The following ACSL3 variants were observed in gnomAD, a reference collection of about 807,000 sequenced individuals.
ACSL3 encodes acyl-CoA synthetase long chain family member 3.
A neutral mutation model predicts 84.7 loss-of-function variants in ACSL3; 34 were observed. The observed-to-expected ratio is 0.40, with a 90% CI of 0.31 to 0.53. ACSL3 has a LOEUF of 0.53. Among genes scored for constraint, ACSL3 ranks in the 20% least tolerant of loss-of-function variants. The pLI is 0.48. For synonymous variants in ACSL3, 315 were observed against 299.4 expected, an observed-to-expected ratio of 1.05 and a Z score of -0.54; for missense variants, 680 against 873.1, an observed-to-expected ratio of 0.78 and a Z score of 2.79.
intron 1 of ACSL3, among the ~76,000 whole-genome samples, chr2:222,874,353 A>G (rs1695390619): frequency 6.6e-6 from 1 of 152,162 alleles, no homozygotes; most frequent in East Asian, 1.9e-4. Context: ...ATTGAAAACC[A>G]GAAGAGAGAT....
intron 1 of ACSL3, among the ~76,000 whole-genome samples, chr2:222,864,331 A>G (rs888891416): frequency 1.3e-5 from 2 of 152,168 alleles, no homozygotes; most frequent in Non-Finnish European, 2.9e-5. Flanking sequence ...GAAGACCTCC[A>G]TGTAGAGGCA....
Position 222,865,586 on chromosome 2 carries a change from A to C in ACSL3, c.-207+4328A>C, listed in dbSNP as rs529764127. Among the ~76,000 whole-genome samples the C allele has an allele frequency of 2.0e-3, 311 of 152,342 alleles. 1 individual carries two copies. The Middle Eastern group carries it at 0.021, about 10-fold the overall frequency. On this transcript the variant is annotated intron_variant, in intron 1 of 16. Transcript: ENST00000357430. The stretch of plus-strand genomic sequence containing the variant: ...TGGAACAGAAGAAGGTATATGAGCA[A>C]ATATATTACAGGATGGTATAATCAG...
chr2:222,886,198 A>G (rs1202463810), intron 1 of ACSL3, among the ~76,000 whole-genome samples: 1 of 152,048 alleles, frequency 6.6e-6, no homozygotes, highest in Non-Finnish European at 1.5e-5. Context: ...CACATGCATT[A>G]GGTATTTGTC....
chr2:222,872,451 G>A (rs1256182486), intron 1 of ACSL3, among the ~76,000 whole-genome samples: 1 of 152,142 alleles, frequency 6.6e-6, no homozygotes, highest in African/African-American at 2.4e-5. Flanking sequence ...GAAAGTAAAA[G>A]TATCTTAGGA....
In ACSL3 at chr2:222,901,964, A is replaced by AAAAAAAAAAAAGG. The variant is rs57522671; in HGVS notation, c.-41+1184_-41+1185insAAAAAAAAAAAGG. Among the ~76,000 whole-genome samples the AAAAAAAAAAAAGG allele has an allele frequency of 1.3e-4, 13 of 99,454 alleles. 3 individuals carry two copies. Among genetic ancestry groups the AAAAAAAAAAAAGG allele is most frequent in the East Asian group, 7.8e-4 (2 of 2,562 alleles). 65.2% of individuals were successfully genotyped at this position (99,454 alleles called of 152,430 possible). A position where few individuals can be genotyped will look rare whatever the true frequency, so the allele number is the denominator to read the frequency against. ...GTCTCAAAAAAAAAAAAAAAAAAAA[A>AAAAAAAAAAAAGG]GAACTCAAATATTGTTGAGGTAGCA... On this transcript the variant is annotated intron_variant, in intron 3 of 16. Transcript: ENST00000357430.
chr2:222,914,554 A>G (rs988629985), intron 4 of ACSL3, among the ~76,000 whole-genome samples: 4 of 152,130 alleles, frequency 2.6e-5, no homozygotes, highest in African/African-American at 9.7e-5. Flanking sequence ...GAGCCAGTGC[A>G]CCTGCCCAGA....
chr2:222,919,368 A>G, intron 7 of ACSL3, 166 bp downstream of exon 7: 1 of 542,344 alleles, frequency 1.8e-6, no homozygotes, highest in Non-Finnish European at 2.9e-6. Flanking sequence ...GTCTTTAAAG[A>G]AAGTTTTAAG....
At chr2:222,872,958 A>G (rs1191090834) in intron 1 of ACSL3, among the ~76,000 whole-genome samples, 1 of 152,182 alleles carries the variant, frequency 6.6e-6, no homozygotes, top group Non-Finnish European at 1.5e-5. Context: ...CACAGCATGC[A>G]TGAGACAGAA....
intron 2 of ACSL3, among the ~76,000 whole-genome samples, chr2:222,893,515 T>G (rs1319999155): frequency 6.6e-6 from 1 of 152,118 alleles, no homozygotes; most frequent in Non-Finnish European, 1.5e-5. Context: ...CCATGTTGTA[T>G]CTCTCTTGCG....
Position 222,941,854 on chromosome 2 carries a change from C to A in ACSL3, c.*200C>A. 1 of 513,936 alleles carries A rather than the reference C, an allele frequency of 1.9e-6. No homozygotes were observed. Among genetic ancestry groups the A allele is most frequent in the Non-Finnish European group, 3.2e-6 (1 of 310,886 alleles). The allele number at this position is 513,936 out of a possible 1,614,324, so 31.8% of individuals were successfully genotyped here. ...TGTCTGTCTCTTCTTTCATTTTCCC[C>A]GCCACCAACTTACTTTACCACCTAT... On this transcript the variant is annotated 3_prime_UTR_variant, in exon 17 of 17. Transcript: ENST00000357430.
At chr2:222,904,045 C>T (rs1328072327) in intron 3 of ACSL3, among the ~76,000 whole-genome samples, 3 of 152,112 alleles carry the variant, frequency 2.0e-5, no homozygotes, top group East Asian at 1.9e-4. Context: ...GAGGCCGAGG[C>T]GGGCGGATCA....
chr2:222,878,610 A>C (rs1407168531), intron 1 of ACSL3, among the ~76,000 whole-genome samples: 2 of 152,166 alleles, frequency 1.3e-5, no homozygotes, highest in Admixed American at 6.5e-5. Context: ...CTATGAATAG[A>C]GTCAATGATG....
At chr2:222,905,270 C>T (rs977513323) in intron 3 of ACSL3, among the ~76,000 whole-genome samples, 3 of 152,138 alleles carry the variant, frequency 2.0e-5, no homozygotes, top group Non-Finnish European at 4.4e-5. Context: ...AGGTGATCCT[C>T]CCATCTCAGT....
intron 3 of ACSL3, among the ~76,000 whole-genome samples, chr2:222,906,057 G>A (rs1364956855): frequency 6.6e-6 from 1 of 152,010 alleles, no homozygotes; most frequent in African/African-American, 2.4e-5. Context: ...ATTTTGTGTT[G>A]TAAACTGGGC....
At chr2:222,919,530 G>A (rs1012385627) in intron 7 of ACSL3, among the ~76,000 whole-genome samples, 2 of 152,170 alleles carry the variant, frequency 1.3e-5, no homozygotes, top group Non-Finnish European at 2.9e-5. Context: ...CTTGTCCTAT[G>A]TGAATTACCT....
chr2:222,888,831 G>A (rs1695779227), intron 2 of ACSL3, among the ~76,000 whole-genome samples: 1 of 152,160 alleles, frequency 6.6e-6, no homozygotes, highest in Non-Finnish European at 1.5e-5. Flanking sequence ...TGAAGTAGAT[G>A]TGATGGAAAA....
chr2:222,894,679 A>C (rs1157320459), intron 2 of ACSL3, among the ~76,000 whole-genome samples: 2 of 151,206 alleles, frequency 1.3e-5, no homozygotes, highest in Non-Finnish European at 3.0e-5. Flanking sequence ...ATTTCTTAAA[A>C]ACCTTGACTT....
intron 11 of ACSL3, 91 bp from the exon 12 acceptor site, chr2:222,926,924 ATC>A (rs1473642895): frequency 7.4e-7 from 1 of 1,358,076 alleles, no homozygotes; most frequent in Non-Finnish European, 1.0e-6. Flanking sequence ...TAATCTCAAA[ATC>A]TCTCATATCA....
intron 16 of ACSL3, among the ~76,000 whole-genome samples, chr2:222,937,162 CTAAG>C (rs1326117944): frequency 6.6e-6 from 1 of 151,514 alleles, no homozygotes. Context: ...AGGTTTATTC[CTAAG>C]TATTTCCTCC....
Sources: gnomAD v4.1 joint callset for allele counts (sites outside exome capture counted in the v4.1 genomes callset) on GRCh38, gnomAD v4.1.1 for gene constraint, MANE v1.5 for transcripts, NCBI Gene and HGNC (gene_info 2026-07-23, HGNC 2026-07-21) for gene names.